The following CCNY variants were observed in gnomAD, a reference collection of about 807,000 sequenced individuals.
CCNY encodes cyclin Y.
CCNY carries 19 observed loss-of-function variants against 42.8 expected under a neutral mutation model. The observed-to-expected ratio is 0.44, with a 90% CI of 0.31 to 0.65. The LOEUF (loss-of-function observed/expected upper bound fraction) is 0.65. Ranked by LOEUF, CCNY falls within the 30% of genes least tolerant of loss-of-function variation. CCNY has a pLI of 0.07. For missense variants in CCNY, 370 were observed against 437.3 expected, an observed-to-expected ratio of 0.85 and a Z score of 1.37; for synonymous variants, 165 against 162.7, an observed-to-expected ratio of 1.01 and a Z score of -0.11.
intron 1 of CCNY, among the ~76,000 whole-genome samples, chr10:35,436,630 C>G (rs529181836): frequency 1.3e-5 from 2 of 152,306 alleles, no homozygotes; most frequent in Admixed American, 6.5e-5. Flanking sequence ...ACATGTTGCT[C>G]TTTTCCTCCA....
intron 1 of CCNY, among the ~76,000 whole-genome samples, chr10:35,352,501 A>T (rs1038537444): frequency 6.6e-6 from 1 of 152,240 alleles, no homozygotes; most frequent in Admixed American, 6.5e-5. Flanking sequence ...GCCTGAGCAG[A>T]GGGCCATTTT....
intron 1 of CCNY, among the ~76,000 whole-genome samples, chr10:35,409,804 G>C (rs1254007759): frequency 6.6e-6 from 1 of 151,870 alleles, no homozygotes; most frequent in African/African-American, 2.4e-5. Context: ...GCCCAGGCTG[G>C]AGTGCAGTAG....
chr10:35,466,307 A>G (rs892002925), intron 1 of CCNY, among the ~76,000 whole-genome samples: 4 of 152,080 alleles, frequency 2.6e-5, no homozygotes, highest in Non-Finnish European at 4.4e-5. Flanking sequence ...GGCTTCCCCT[A>G]GAGAGGATAT....
At chr10:35,355,857 A>G (rs1227909679) in intron 1 of CCNY, among the ~76,000 whole-genome samples, 1 of 151,624 alleles carries the variant, frequency 6.6e-6, no homozygotes, top group East Asian at 1.9e-4. Flanking sequence ...AGGTTTAACA[A>G]CTTTTTAAAA....
chr10:35,337,196 A>G lies in CCNY; in HGVS notation c.143A>G (p.Glu48Gly). 6.4e-7 allele frequency: 1 copy of G among 1,558,972 alleles called. No homozygotes were observed. Residue 48 changes from glutamate (E) to glycine (G), a missense_variant, in exon 1 of 10, where the codon GAG becomes GGG. Around this residue, in one of 2 missense-constraint regions of CCNY, gnomAD observed 136 missense variants for 124.2 expected, o/e 1.09. Coordinates refer to ENST00000374704, the MANE Select transcript of CCNY (RefSeq NM_145012.6). ...GCNLQHISDR[E>G]NIDDLNMEFN... ...AACCTGCAGCACATCAGCGACCGGG[A>G]GAACATAGACGGTGAGTGCGGCCCG...
chr10:35,336,898 T>C lies in CCNY; in HGVS notation c.-156T>C. The C allele has an allele frequency of 4.6e-6, 1 of 217,406 alleles. No homozygotes were observed. Among genetic ancestry groups the C allele is most frequent in the South Asian group, 1.8e-4 (1 of 5,710 alleles). The allele number at this position is 217,406 out of a possible 1,614,324, so 13.5% of individuals were successfully genotyped here. A position where few individuals can be genotyped will look rare whatever the true frequency, so the allele number is the denominator to read the frequency against. ...GAGGCCCCGCCGCCGCCGCCGCTGCTGACCCGGCGGCCGGCCGCCGTTCCG... is the reference window on the plus strand; with the variant it reads ...GAGGCCCCGCCGCCGCCGCCGCTGCCGACCCGGCGGCCGGCCGCCGTTCCG... On this transcript the variant is annotated 5_prime_UTR_variant, in exon 1 of 10. An upstream open reading frame in the 5' UTR loses its in-frame stop. Coordinates refer to ENST00000374704, the MANE Select transcript of CCNY (RefSeq NM_145012.6).
At chr10:35,259,914 C>A (rs1192500412) in intron 3 of CCNY, among the ~76,000 whole-genome samples, 1 of 150,546 alleles carries the variant, frequency 6.6e-6, no homozygotes, top group Non-Finnish European at 1.5e-5. Context: ...TTTAAAGGGA[C>A]CCTGGGGCAT....
chr10:35,445,163 A>C (rs930220840), intron 1 of CCNY, among the ~76,000 whole-genome samples: 2 of 152,178 alleles, frequency 1.3e-5, no homozygotes, highest in Non-Finnish European at 2.9e-5. Context: ...GTCCCTTAAA[A>C]GGTAGATTTT....
rs117593744 is a variant in CCNY, at chr10:35,503,482, C to G, written c.264+1947C>G. Among the ~76,000 whole-genome samples, 760 of 152,232 alleles carry G rather than the reference C, an allele frequency of 5.0e-3. 6 individuals carry two copies. Among genetic ancestry groups the G allele is most frequent in the Middle Eastern group, 0.01 (3 of 292 alleles). On this transcript the variant is annotated intron_variant, in intron 3 of 9. Transcript: ENST00000374704. ...GAAAAGCCGTGGGAGTGTGCCAGTC[C>G]CACCAGCTGAAATATCATTTGAGTG...
At chr10:35,431,947 G>C (rs180881557) in intron 1 of CCNY, among the ~76,000 whole-genome samples, 14 of 152,280 alleles carry the variant, frequency 9.2e-5, no homozygotes, top group Admixed American at 8.5e-4. Flanking sequence ...TGGTATGGAA[G>C]TTTATAAGGT....
intron 1 of CCNY, among the ~76,000 whole-genome samples, chr10:35,431,712 A>G (rs1010186329): frequency 6.6e-6 from 1 of 151,906 alleles, no homozygotes; most frequent in Non-Finnish European, 1.5e-5. Flanking sequence ...TTTGTTGGGG[A>G]AAAAGAAGCA....
intron 3 of CCNY, among the ~76,000 whole-genome samples, chr10:35,501,991 GTTC>G (rs1004320915): frequency 6.6e-6 from 1 of 152,188 alleles, no homozygotes; most frequent in African/African-American, 2.4e-5. Context: ...GAGTCTGCGT[GTTC>G]TTCTGATGCT....
chr10:35,483,791 A>G (rs972917258), intron 2 of CCNY, among the ~76,000 whole-genome samples: 2 of 152,236 alleles, frequency 1.3e-5, no homozygotes, highest in African/African-American at 4.8e-5. Flanking sequence ...ATAATTTCTC[A>G]TAAGATCAGA....
At chr10:35,381,307 C>A (rs1837178615) in intron 1 of CCNY, among the ~76,000 whole-genome samples, 1 of 152,158 alleles carries the variant, frequency 6.6e-6, no homozygotes, top group Admixed American at 6.5e-5. Context: ...TGCCTGTAAT[C>A]CCAGCACTTT....
chr10:35,498,101 A>G (rs766008034), intron 2 of CCNY, among the ~76,000 whole-genome samples: 3 of 152,208 alleles, frequency 2.0e-5, no homozygotes, highest in Non-Finnish European at 4.4e-5. Context: ...ATGGAGCCAC[A>G]CAGGTTGCAC....
At chr10:35,413,466 A>G (rs1426925033) in intron 1 of CCNY, among the ~76,000 whole-genome samples, 1 of 152,202 alleles carries the variant, frequency 6.6e-6, no homozygotes, top group Non-Finnish European at 1.5e-5. Context: ...GAGGATATGC[A>G]GTGAGTCATT....
chr10:35,499,823 G>T (rs189955284), intron 2 of CCNY, among the ~76,000 whole-genome samples: 124 of 152,264 alleles, frequency 8.1e-4, no homozygotes, highest in African/African-American at 2.7e-3. Flanking sequence ...GGGTTTCCGG[G>T]TCCCTTCAGT....
chr10:35,501,577 C>T (rs199985176), intron 3 of CCNY, 42 bp downstream of exon 3: 9 of 1,551,572 alleles, frequency 5.8e-6, no homozygotes, highest in South Asian at 2.2e-5. Context: ...AATGACTGTA[C>T]AGTGTAAAGA....
At chr10:35,278,826 T>G (rs895435122) in intron 3 of CCNY, among the ~76,000 whole-genome samples, 1 of 152,192 alleles carries the variant, frequency 6.6e-6, no homozygotes, top group Admixed American at 6.5e-5. Context: ...AGCCAGGGGC[T>G]GGGTGCACTG....
Sources: gnomAD v4.1 joint callset for allele counts (sites outside exome capture counted in the v4.1 genomes callset) on GRCh38, gnomAD v4.1.1 for gene constraint, gnomAD v4.1.1 regional missense constraint, MANE v1.5 for transcripts, NCBI Gene and HGNC (gene_info 2026-07-23, HGNC 2026-07-21) for gene names.